GPC3: variants seen among roughly 807,000 people sequenced by gnomAD.
GPC3 encodes the protein glypican-3.
A neutral mutation model predicts 34.4 loss-of-function variants in GPC3; 3 were observed. The ratio of observed to expected loss-of-function variants is 0.09; its 90% CI spans 0.04 to 0.23. The LOEUF is 0.23. Ranked by LOEUF, GPC3 falls within the 10% of genes least tolerant of loss-of-function variation. The pLI is 1.00. For synonymous variants in GPC3, 177 were observed against 174.0 expected, an observed-to-expected ratio of 1.02 and a Z score of -0.13; for missense variants, 351 against 445.6, an observed-to-expected ratio of 0.79 and a Z score of 1.91.
chrX:133,638,829 A>G (rs1438369851), intron 6 of GPC3, among the ~76,000 whole-genome samples: 1 of 110,665 alleles, frequency 9.0e-6, no homozygotes, highest in Non-Finnish European at 1.9e-5. Flanking sequence ...GCTAAAAAAA[A>G]AAAAAAAGAA....
chrX:133,948,376 C>T (rs1230724689), intron 2 of GPC3, among the ~76,000 whole-genome samples: 1 of 110,205 alleles, frequency 9.1e-6, no homozygotes, highest in Non-Finnish European at 1.9e-5. Flanking sequence ...CTGCCAAGAG[C>T]TGATGAAAAC....
At chrX:133,643,257 G>C (rs2070502721) in intron 6 of GPC3, among the ~76,000 whole-genome samples, 1 of 110,653 alleles carries the variant, frequency 9.0e-6, no homozygotes, top group Non-Finnish European at 1.9e-5. Flanking sequence ...GGAACACTGG[G>C]TCAGTATGCA....
intron 2 of GPC3, among the ~76,000 whole-genome samples, chrX:133,837,033 C>T (rs919855364): frequency 1.8e-5 from 2 of 111,981 alleles, no homozygotes; most frequent in African/African-American, 6.5e-5. Context: ...CTTGAAGATA[C>T]AGATAACTAC....
chrX:133,545,630 TG>T (rs1303245046), intron 7 of GPC3, among the ~76,000 whole-genome samples: 1 of 111,632 alleles, frequency 9.0e-6, no homozygotes, highest in African/African-American at 3.3e-5. Flanking sequence ...CTGGGGTGCA[TG>T]GCAGTGCTGT....
intron 3 of GPC3, among the ~76,000 whole-genome samples, chrX:133,720,981 A>C (rs957443380): frequency 9.1e-6 from 1 of 110,376 alleles, no homozygotes; most frequent in African/African-American, 3.3e-5. Flanking sequence ...ACAAATCATC[A>C]TTAAAGAACT....
At chrX:133,554,001 T>TC (rs2069461009) in intron 7 of GPC3, among the ~76,000 whole-genome samples, 1 of 101,165 alleles carries the variant, frequency 9.9e-6, no homozygotes, top group African/African-American at 4.2e-5. Context: ...GACTATCCTC[T>TC]TTCTCTCTCT....
At chrX:133,747,179 C>T (rs1198470469) in intron 3 of GPC3, among the ~76,000 whole-genome samples, 2 of 111,659 alleles carry the variant, frequency 1.8e-5, no homozygotes, top group African/African-American at 3.3e-5. Context: ...TTCTACTGTC[C>T]GGAATCAAAG....
intron 2 of GPC3, among the ~76,000 whole-genome samples, chrX:133,944,283 G>A (rs1481462932): frequency 8.9e-6 from 1 of 111,820 alleles, no homozygotes; most frequent in Non-Finnish European, 1.9e-5. Flanking sequence ...TGCTAGAAAG[G>A]AAAAGCACAG....
At chrX:133,570,977 C>T (rs1001740715) in intron 7 of GPC3, among the ~76,000 whole-genome samples, 8 of 111,517 alleles carry the variant, frequency 7.2e-5, no homozygotes, top group Non-Finnish European at 1.3e-4. Flanking sequence ...ATTTTATTAT[C>T]GCACAGCTTT....
At chrX:133,767,412 G>A (rs762603044) in intron 2 of GPC3, among the ~76,000 whole-genome samples, 5 of 111,797 alleles carry the variant, frequency 4.5e-5, no homozygotes, top group Non-Finnish European at 9.4e-5. Flanking sequence ...ACTGATACAG[G>A]TATGAAATCT....
chrX:133,969,599 C>T (rs1165622809), intron 1 of GPC3, among the ~76,000 whole-genome samples: 2 of 111,177 alleles, frequency 1.8e-5, no homozygotes, highest in Admixed American at 9.5e-5. Context: ...ATTCCAAGTG[C>T]ATCTAAGAAA....
At chrX:133,800,718 G>A (rs1390691173) in intron 2 of GPC3, among the ~76,000 whole-genome samples, 1 of 111,797 alleles carries the variant, frequency 8.9e-6, no homozygotes, top group African/African-American at 3.3e-5. Flanking sequence ...ACTGTTTAGA[G>A]AGAGCCATTA....
chrX:133,787,997 T>C (rs1201200925), intron 2 of GPC3, among the ~76,000 whole-genome samples: 4 of 105,273 alleles, frequency 3.8e-5, no homozygotes, highest in Non-Finnish European at 7.7e-5. Flanking sequence ...TGTTAGCCCC[T>C]GGGGATTAAA....
At chrX:133,796,339 C>A (rs777202259) in intron 2 of GPC3, among the ~76,000 whole-genome samples, 16 of 112,069 alleles carry the variant, frequency 1.4e-4, no homozygotes, top group Non-Finnish European at 2.8e-4. Flanking sequence ...GTTAAAAGTA[C>A]CACAGTTGAA....
At chrX:133,800,686 T>C (rs1435824956) in intron 2 of GPC3, among the ~76,000 whole-genome samples, 3 of 111,950 alleles carry the variant, frequency 2.7e-5, no homozygotes, top group Admixed American at 9.5e-5. Flanking sequence ...AATAGAAAAG[T>C]TCTTAAGTAC....
chrX:133,773,257 A>C (rs1683945883), intron 2 of GPC3, among the ~76,000 whole-genome samples: 1 of 110,780 alleles, frequency 9.0e-6, no homozygotes, highest in Admixed American at 9.7e-5. Flanking sequence ...TCACCATGAA[A>C]ATTTTTATTT....
At chrX:133,863,552 T>C in intron 2 of GPC3, among the ~76,000 whole-genome samples, 1 of 110,089 alleles carries the variant, frequency 9.1e-6, no homozygotes, top group Non-Finnish European at 1.9e-5. Context: ...TGCTATCATT[T>C]ATGTTTCATT....
At position 133,655,506 on chromosome X, in the gene GPC3, C is replaced by CCA. The variant is rs763587305; in HGVS notation, c.1413+6222_1413+6223dup. ...CACACACACACACACACACACACAC[C>CCA]CACACACACACACACACACACATTC... On this transcript the variant is annotated intron_variant, in intron 6 of 7. Transcript: ENST00000370818. 3.4e-3 allele frequency among the ~76,000 whole-genome samples: 326 copies of CCA among 94,676 alleles called. 2 individuals carry two copies. Among genetic ancestry groups the CCA allele is most frequent in the East Asian group, 0.012 (38 of 3,161 alleles). The allele number at this position is 94,676 out of a possible 115,157, so 82.2% of individuals were successfully genotyped here. A position where few individuals can be genotyped will look rare whatever the true frequency, so the allele number is the denominator to read the frequency against.
At chrX:133,849,623 C>T (rs1254935908) in intron 2 of GPC3, among the ~76,000 whole-genome samples, 1 of 111,043 alleles carries the variant, frequency 9.0e-6, no homozygotes, top group African/African-American at 3.3e-5. Flanking sequence ...ACAGAAAAAT[C>T]TCATTTCCTG....
Sources: gnomAD v4.1 joint callset for allele counts (sites outside exome capture counted in the v4.1 genomes callset) on GRCh38, gnomAD v4.1.1 for gene constraint, MANE v1.5 for transcripts, NCBI Gene and HGNC (gene_info 2026-07-23, HGNC 2026-07-21) for gene names.